Variants in DSTN observed in about 807,000 individuals in gnomAD.
DSTN encodes destrin, actin depolymerizing factor.
A neutral mutation model predicts 16.8 loss-of-function variants in DSTN; 10 were observed. The ratio of observed to expected loss-of-function variants is 0.60; its 90% CI spans 0.37 to 1.01. The LOEUF is 1.01. Among genes scored for constraint, DSTN ranks in the 50% least tolerant of loss-of-function variants. The pLI is 0.01. For missense variants in DSTN, 141 were observed against 196.7 expected (o/e 0.72, Z 1.69); for synonymous variants, 57 against 58.9 (o/e 0.97, Z 0.14).
intron 1 of DSTN, among the ~76,000 whole-genome samples, chr20:17,578,852 T>TC (rs1217169652): frequency 6.6e-6 from 1 of 150,490 alleles, no homozygotes; most frequent in Admixed American, 6.7e-5. Context: ...TCCCAGCTAC[T>TC]TGGGAGGCTG....
intron 1 of DSTN, among the ~76,000 whole-genome samples, chr20:17,580,420 T>C (rs1231263176): frequency 6.6e-6 from 1 of 152,142 alleles, no homozygotes; most frequent in Non-Finnish European, 1.5e-5. Context: ...TTTCAGCTGG[T>C]GATAAGTAGT....
intron 3 of DSTN, among the ~76,000 whole-genome samples, chr20:17,605,590 C>T (rs2122212957): frequency 6.6e-6 from 1 of 152,312 alleles, no homozygotes; most frequent in South Asian, 2.1e-4. Flanking sequence ...CTTGCTGCTG[C>T]ATAGTTTATT....
Position 17,576,432 on chromosome 20 carries a change from C to T in DSTN, c.3+6221C>T, listed in dbSNP as rs180751376. ...TGGTGAGGGAGGAAGGGGACACCTG[C>T]CTAGCCAGCCAGATCAGCCGAATCA... On this transcript the variant is annotated intron_variant, in intron 1 of 3. Transcript: ENST00000246069. The T allele has an allele frequency of 3.3e-3, 531 of 161,856 alleles. 4 individuals are homozygous for T. The highest frequency in any genetic ancestry group is 2.5e-3 in the Non-Finnish European group (168 of 68,078). 10.0% of individuals were successfully genotyped at this position (161,856 alleles called of 1,614,324 possible). A position where few individuals can be genotyped will look rare whatever the true frequency, so the allele number is the denominator to read the frequency against.
chr20:17,604,582 T>C lies in DSTN; in HGVS notation c.339T>C (p.Ser113=), dbSNP rs2035621712. ...CACCAGAACTAGCACCTCTGAAAAG[T>C]AAAATGATCTATGCAAGCTCCAAGG... ...LWAPELAPLK[S]KMIYASSKDA... Residue 113 remains serine (S), a synonymous_variant, in exon 3 of 4, where the codon AGT becomes AGC. Transcript: ENST00000246069. 2.5e-6 allele frequency: 4 copies of C among 1,613,266 alleles called. No individual in the cohort carries two copies. Among genetic ancestry groups the C allele is most frequent in the Admixed American group, 1.7e-5 (1 of 59,746 alleles).
intron 1 of DSTN, among the ~76,000 whole-genome samples, chr20:17,571,108 AT>A (rs1372873198): frequency 1.3e-5 from 2 of 152,174 alleles, no homozygotes; most frequent in African/African-American, 4.8e-5. Flanking sequence ...TAATTTACAT[AT>A]TTTCCCCCTT....
At chr20:17,578,409 G>C (rs542463087) in intron 1 of DSTN, among the ~76,000 whole-genome samples, 2 of 151,958 alleles carry the variant, frequency 1.3e-5, no homozygotes, top group South Asian at 4.2e-4. Context: ...ATGGAAATTG[G>C]GTTTTAAGTA....
At chr20:17,602,966 G>A (rs1402034928) in intron 2 of DSTN, among the ~76,000 whole-genome samples, 1 of 152,204 alleles carries the variant, frequency 6.6e-6, no homozygotes, top group Non-Finnish European at 1.5e-5. Context: ...GTTGCAGTGA[G>A]CTGAGATCAC....
chr20:17,595,813 G>A (rs1400303096), intron 1 of DSTN, among the ~76,000 whole-genome samples: 1 of 151,990 alleles, frequency 6.6e-6, no homozygotes, highest in Admixed American at 6.6e-5. Context: ...CTCAGTGTAT[G>A]TTTTAATTTT....
At chr20:17,589,423 C>T (rs1323508692) in intron 1 of DSTN, among the ~76,000 whole-genome samples, 1 of 152,172 alleles carries the variant, frequency 6.6e-6, no homozygotes, top group Non-Finnish European at 1.5e-5. Flanking sequence ...GTTAACCAGG[C>T]TGCTCTGCTG....
At chr20:17,604,153 CTG>C (rs774648220) in intron 2 of DSTN, among the ~76,000 whole-genome samples, 4 of 152,166 alleles carry the variant, frequency 2.6e-5, no homozygotes, top group Non-Finnish European at 5.9e-5. Context: ...ACTAGAAAAA[CTG>C]TCAAAAACCT....
At chr20:17,605,985 G>A (rs2035638660) in intron 3 of DSTN, among the ~76,000 whole-genome samples, 1 of 152,086 alleles carries the variant, frequency 6.6e-6, no homozygotes, top group Non-Finnish European at 1.5e-5. Flanking sequence ...GCACATGCCT[G>A]TAATCCCAGC....
At chr20:17,584,242 A>G (rs1181806802) in intron 1 of DSTN, among the ~76,000 whole-genome samples, 1 of 152,176 alleles carries the variant, frequency 6.6e-6, no homozygotes, top group Non-Finnish European at 1.5e-5. Flanking sequence ...TGTTAAATTT[A>G]TTTTTATAAG....
At position 17,583,947 on chromosome 20, in the gene DSTN, G is replaced by A. The variant is rs1481824826; in HGVS notation, c.3+13736G>A. 5.3e-5 allele frequency among the ~76,000 whole-genome samples: 8 copies of A among 151,948 alleles called. No individual in the cohort carries two copies. The South Asian group carries it at 1.0e-3, about 20-fold the overall frequency. ...CAAGATGAGGTCTCACTATTTTGCC[G>A]AGGTTGGTCTTGAACTCCTGGACTC... On this transcript the variant is annotated intron_variant, in intron 1 of 3. Coordinates refer to ENST00000246069, the MANE Select transcript of DSTN (RefSeq NM_006870.4).
At position 17,582,966 on chromosome 20, in the gene DSTN, C is replaced by G. The variant is rs552852344; in HGVS notation, c.3+12755C>G. Among the ~76,000 whole-genome samples the G allele has an allele frequency of 5.3e-5, 8 of 152,296 alleles. No homozygotes were observed. The East Asian group carries it at 1.4e-3, about 26-fold the overall frequency. On this transcript the variant is annotated intron_variant, in intron 1 of 3. Transcript: ENST00000246069. ...AGATGTTTGCAAATCATATACCTGA[C>G]AAGGAGCTTGTGTGTAGAATATATT...
intron 1 of DSTN, among the ~76,000 whole-genome samples, chr20:17,578,961 C>CAAAAAAAAAAAAAAAAAAAAAAAAAA (rs59600009): frequency 1.2e-5 from 1 of 81,412 alleles, no homozygotes; most frequent in African/African-American, 4.6e-5. Context: ...AATTCCATCT[C>CAAAAAAAAAAAAAAAAAAAAAAAAAA]AAAAAAAAAA....
intron 1 of DSTN, among the ~76,000 whole-genome samples, chr20:17,595,302 C>A (rs1195464207): frequency 6.6e-6 from 1 of 152,158 alleles, no homozygotes; most frequent in African/African-American, 2.4e-5. Context: ...CCATCCTACT[C>A]CTCCTGCCTT....
At chr20:17,587,581 C>T (rs2035425186) in intron 1 of DSTN, among the ~76,000 whole-genome samples, 1 of 152,002 alleles carries the variant, frequency 6.6e-6, no homozygotes, top group South Asian at 2.1e-4. Flanking sequence ...AATAGTTAAC[C>T]ATAGTTAATT....
chr20:17,595,178 C>G (rs907177512), intron 1 of DSTN, among the ~76,000 whole-genome samples: 49 of 152,240 alleles, frequency 3.2e-4, no homozygotes, highest in African/African-American at 1.1e-3. Context: ...CTCAGCTGAC[C>G]TTTTGGAGGT....
intron 1 of DSTN, among the ~76,000 whole-genome samples, chr20:17,570,835 C>G (rs1041369493): frequency 1.3e-5 from 2 of 152,322 alleles, no homozygotes; most frequent in East Asian, 1.9e-4. Flanking sequence ...CAATCGGCTT[C>G]CAGCAGCACT....
Sources: gnomAD v4.1 joint callset for allele counts (sites outside exome capture counted in the v4.1 genomes callset) on GRCh38, gnomAD v4.1.1 for gene constraint, MANE v1.5 for transcripts, NCBI Gene and HGNC (gene_info 2026-07-23, HGNC 2026-07-21) for gene names.